Variants in ZNF248 observed in about 807,000 individuals in gnomAD.
The protein encoded by ZNF248 is KRAB protein domain.
In ZNF248, 20 loss-of-function variants were observed where a neutral mutation model predicts 44.3. The observed-to-expected ratio is 0.45, with a 90% CI of 0.32 to 0.66. The LOEUF (loss-of-function observed/expected upper bound fraction) is 0.66. ZNF248 is among the 30% of genes least tolerant of loss of function. The pLI is 0.04. For synonymous variants in ZNF248, 224 were observed against 229.0 expected, an observed-to-expected ratio of 0.98 and a Z score of 0.20; for missense variants, 654 against 677.0, an observed-to-expected ratio of 0.97 and a Z score of 0.38.
At chr10:37,779,372 A>G (rs2132849290) in intron 6 of ZNF248, among the ~76,000 whole-genome samples, 1 of 152,304 alleles carries the variant, frequency 6.6e-6, no homozygotes, top group South Asian at 2.1e-4. Flanking sequence ...ACACAAATCA[A>G]TAAATGTAAT....
chr10:37,773,488 C>A (rs2046350791), downstream of ZNF248, among the ~76,000 whole-genome samples: 1 of 152,128 alleles, frequency 6.6e-6, no homozygotes, highest in Admixed American at 6.6e-5. Context: ...ATGGTGTGTT[C>A]CTCAAAATGT....
rs1051565974 is a variant in ZNF248 at position 37,819,801 on chromosome 10, G to T, written c.330+13224C>A. The T allele has an allele frequency of 5.1e-6, 4 of 783,996 alleles. No individual in the cohort carries two copies. In the African/African-American group the frequency reaches 6.8e-5, roughly 13 times the overall value. The allele number at this position is 783,996 out of a possible 1,614,324, so 48.6% of individuals were successfully genotyped here. The stretch of plus-strand genomic sequence containing the variant: ...TGCTCACTGGTTGCAGGAGGGTCCT[G>T]ACCCATGGCAGGAGGTTTCCGCTTT... On this transcript the variant is annotated intron_variant, in intron 6 of 6. Coordinates refer to the ZNF248 transcript ENST00000615949.
intron 6 of ZNF248, among the ~76,000 whole-genome samples, chr10:37,801,044 G>A (rs1364326759): frequency 6.6e-6 from 1 of 151,654 alleles, no homozygotes; most frequent in Non-Finnish European, 1.5e-5. Context: ...TTACAGACAT[G>A]AGCCACTGTG....
intron 6 of ZNF248, among the ~76,000 whole-genome samples, chr10:37,823,281 C>G (rs2053771087): frequency 7.5e-6 from 1 of 133,682 alleles, no homozygotes; most frequent in Admixed American, 8.5e-5. Flanking sequence ...TTGCAGTGAT[C>G]CGAGATTGCG....
rs920737482 is a variant in ZNF248 at position 37,831,541 on chromosome 10, T to A, written c.*74A>T. The A allele has an allele frequency of 2.0e-6, 3 of 1,528,104 alleles. No individual in the cohort carries two copies. In the African/African-American group the frequency reaches 4.2e-5, roughly 21 times the overall value. The allele number at this position is 1,528,104 out of a possible 1,614,324, so 94.7% of individuals were successfully genotyped here. On this transcript the variant is annotated 3_prime_UTR_variant, in exon 6 of 6. Coordinates refer to ENST00000395867, the MANE Select transcript of ZNF248 (RefSeq NM_021045.3). ...AGTCATTTTCTACAAATTTCTGACA[T>A]TCTTTGGCTTTCTCTGATCTCCTTT...
chr10:37,805,954 T>C (rs2050497540), intron 6 of ZNF248, among the ~76,000 whole-genome samples: 1 of 152,218 alleles, frequency 6.6e-6, no homozygotes, highest in Non-Finnish European at 1.5e-5. Flanking sequence ...TATGAACATT[T>C]GTGTACAAGC....
intron 6 of ZNF248, among the ~76,000 whole-genome samples, chr10:37,790,912 C>T (rs2048446953): frequency 7.1e-6 from 1 of 141,610 alleles, no homozygotes; most frequent in Non-Finnish European, 1.5e-5. Context: ...AGACTGAGAC[C>T]CCATTATCTT....
At chr10:37,767,369 A>G in the ZNF248 span, among the ~76,000 whole-genome samples, 4 of 152,354 alleles carry the variant, frequency 2.6e-5, no homozygotes, top group Non-Finnish European at 5.9e-5. Context: ...AAGGGCAGCC[A>G]GAGAGAAAGG....
intron 6 of ZNF248, among the ~76,000 whole-genome samples, chr10:37,808,760 T>C (rs2051003987): frequency 6.6e-6 from 1 of 152,194 alleles, no homozygotes; most frequent in Admixed American, 6.5e-5. Flanking sequence ...AAGTGTTCCC[T>C]TCATTTTAAT....
chr10:37,782,902 G>A (rs1190634255), intron 6 of ZNF248, among the ~76,000 whole-genome samples: 1 of 152,066 alleles, frequency 6.6e-6, no homozygotes, highest in Non-Finnish European at 1.5e-5. Context: ...TATTGTTTAA[G>A]CCACCCAGTT....
Position 37,847,195 on chromosome 10 carries a change from CTTTTTA to C in ZNF248, c.16-9090_16-9085del, listed in dbSNP as rs886467485. Among the ~76,000 whole-genome samples, 16 of 151,970 alleles carry C rather than the reference CTTTTTA, an allele frequency of 1.1e-4. No individual in the cohort carries two copies. In the East Asian group the frequency reaches 1.5e-3, roughly 15 times the overall value. ...GGTGTGAGCCACCATGCCCAGCTAA[CTTTTTA>C]TTTTTATTTTTATTTATTTATTTAT... On this transcript the variant is annotated intron_variant, in intron 3 of 5. Coordinates refer to ENST00000395867, the MANE Select transcript of ZNF248 (RefSeq NM_021045.3).
intron 6 of ZNF248, among the ~76,000 whole-genome samples, chr10:37,783,706 A>G (rs957897020): frequency 6.6e-6 from 1 of 152,244 alleles, no homozygotes; most frequent in Admixed American, 6.5e-5. Flanking sequence ...TCCTTGAACC[A>G]GTTCTGAGAT....
At chr10:37,768,422 T>G in the ZNF248 span, among the ~76,000 whole-genome samples, 1 of 152,148 alleles carries the variant, frequency 6.6e-6, no homozygotes, top group African/African-American at 2.4e-5. Flanking sequence ...ACAAACTGTC[T>G]CTCAGACCAC....
At chr10:37,769,697 C>T in the ZNF248 span, among the ~76,000 whole-genome samples, 3 of 152,140 alleles carry the variant, frequency 2.0e-5, no homozygotes, top group South Asian at 4.1e-4. Context: ...GAAGCATTCC[C>T]TTTGAAAACT....
At position 37,808,166 on chromosome 10, in the gene ZNF248, A is replaced by G. The variant is rs768344990; in HGVS notation, c.330+24859T>C. Among the ~76,000 whole-genome samples, 3 of 151,978 alleles carry G rather than the reference A, an allele frequency of 2.0e-5. No homozygotes were observed. In the South Asian group the frequency reaches 6.2e-4, roughly 31 times the overall value. ...TGATGTATTACATTAGGTGGCTTTCATATGTTGAGTCATCCTTGTATTACA... is the reference window on the plus strand; with the variant it reads ...TGATGTATTACATTAGGTGGCTTTCGTATGTTGAGTCATCCTTGTATTACA... On this transcript the variant is annotated intron_variant, in intron 6 of 6. Transcript: ENST00000615949.
rs1374963730 is a variant in ZNF248, at chr10:37,832,945, T to C, written c.410A>G (p.Tyr137Cys). 7.4e-6 allele frequency: 12 copies of C among 1,613,362 alleles called. No individual in the cohort carries two copies. In the Admixed American group the frequency reaches 1.8e-4, roughly 25 times the overall value. ...CATTTCACATGAGTCACATATTTTATAGGGATAATTTCTTAAAGAAACAGG... is the reference window on the plus strand; with the variant it reads ...CATTTCACATGAGTCACATATTTTACAGGGATAATTTCTTAAAGAAACAGG... ...TDPVSLRNYPYKICDSCEMNL... is the reference protein window; with the variant it reads ...TDPVSLRNYPCKICDSCEMNL... The change falls in exon 6 of 6, where the codon TAT (tyrosine) becomes TGT (cysteine). Residue 137 changes from tyrosine (Y) to cysteine (C), a missense_variant. Coordinates refer to ENST00000395867, the MANE Select transcript of ZNF248 (RefSeq NM_021045.3).
intron 6 of ZNF248, among the ~76,000 whole-genome samples, chr10:37,817,610 T>C (rs554258710): frequency 3.0e-4 from 45 of 152,224 alleles, no homozygotes; most frequent in African/African-American, 1.0e-3. Flanking sequence ...CTGATTGGAA[T>C]GAACATTGCC....
intron 3 of ZNF248, among the ~76,000 whole-genome samples, chr10:37,853,400 C>A (rs1227384188): frequency 6.6e-6 from 1 of 151,832 alleles, no homozygotes; most frequent in Non-Finnish European, 1.5e-5. Context: ...CTTTTCGAGA[C>A]GGAGTCTCGC....
At chr10:37,819,525 G>T (rs534717511) in intron 6 of ZNF248, 3 of 1,060,158 alleles carry the variant, frequency 2.8e-6, no homozygotes, top group Admixed American at 1.7e-5. Context: ...TCCAAAAGAT[G>T]TAACAACAAA....
Sources: allele counts gnomAD v4.1 joint callset (sites outside exome capture counted in the v4.1 genomes callset), GRCh38; gene constraint gnomAD v4.1.1; transcripts MANE v1.5; gene names NCBI Gene and HGNC (gene_info 2026-07-23, HGNC 2026-07-21).